The following CSMD1 variants were observed in gnomAD, a reference collection of about 807,000 sequenced individuals.
CSMD1 encodes CUB and Sushi multiple domains 1, also known as CUB and sushi domain-containing protein 1.
In CSMD1, 213 loss-of-function variants were observed where a neutral mutation model predicts 417.5. That is an observed-to-expected ratio of 0.51 (90% confidence interval 0.46 to 0.57). The LOEUF (loss-of-function observed/expected upper bound fraction) is 0.57, where lower values mean the gene tolerates loss of function less well. CSMD1 is among the 20% of genes least tolerant of loss of function. CSMD1 has a pLI of 0.00. For missense variants in CSMD1, 6,923 were observed against 4,529.7 expected, an observed-to-expected ratio of 1.53 and a Z score of -15.17; for synonymous variants, 2,862 against 1,736.8, an observed-to-expected ratio of 1.65 and a Z score of -16.11.
At chr8:3,379,048 G>A (rs774836947) in intron 18 of CSMD1, among the ~76,000 whole-genome samples, 33 of 152,208 alleles carry the variant, frequency 2.2e-4, no homozygotes, top group Non-Finnish European at 3.7e-4. Flanking sequence ...CTTCAGCAAT[G>A]TCTCAGGATA....
intron 3 of CSMD1, among the ~76,000 whole-genome samples, chr8:4,383,569 C>A (rs1391641192): frequency 6.6e-6 from 1 of 152,122 alleles, no homozygotes; most frequent in Non-Finnish European, 1.5e-5. Context: ...AACCTCAAAT[C>A]TGATTACAGG....
chr8:3,054,242 C>T (rs1335004967), intron 49 of CSMD1, among the ~76,000 whole-genome samples: 1 of 152,074 alleles, frequency 6.6e-6, no homozygotes, highest in African/African-American at 2.4e-5. Context: ...AAATGTATTC[C>T]CCAATAAAAT....
chr8:2,981,566 C>G (rs1805427155), intron 54 of CSMD1, among the ~76,000 whole-genome samples: 1 of 152,166 alleles, frequency 6.6e-6, no homozygotes, highest in Non-Finnish European at 1.5e-5. Flanking sequence ...GTGTGAAAAC[C>G]TGACATGGAA....
chr8:4,249,156 A>G (rs1802893724), intron 3 of CSMD1, among the ~76,000 whole-genome samples: 1 of 152,206 alleles, frequency 6.6e-6, no homozygotes, highest in Admixed American at 6.5e-5. Flanking sequence ...ATCTTAACAT[A>G]TATTAAGAGA....
intron 3 of CSMD1, among the ~76,000 whole-genome samples, chr8:4,056,997 C>T (rs745815215): frequency 4.6e-5 from 7 of 152,138 alleles, no homozygotes; most frequent in East Asian, 3.9e-4. Flanking sequence ...AATAAACATA[C>T]GTGTGCATGT....
chr8:3,276,141 T>C (rs1802271994), intron 26 of CSMD1, among the ~76,000 whole-genome samples: 1 of 152,196 alleles, frequency 6.6e-6, no homozygotes, highest in Non-Finnish European at 1.5e-5. Flanking sequence ...TAGTTTTCCT[T>C]CTAACAGTCA....
intron 1 of CSMD1, among the ~76,000 whole-genome samples, chr8:4,925,448 T>A (rs1806791738): frequency 6.6e-6 from 1 of 152,042 alleles, no homozygotes; most frequent in Non-Finnish European, 1.5e-5. Context: ...TGTTAATCAT[T>A]TCAAAATCAA....
At chr8:4,400,396 G>C (rs976513632) in intron 3 of CSMD1, among the ~76,000 whole-genome samples, 27 of 152,346 alleles carry the variant, frequency 1.8e-4, no homozygotes, top group Middle Eastern at 3.4e-3. Context: ...TCCTGTGTTT[G>C]CCGTTCCAGG....
chr8:4,850,249 A>C (rs1477558722), intron 1 of CSMD1, among the ~76,000 whole-genome samples: 2 of 152,116 alleles, frequency 1.3e-5, no homozygotes, highest in African/African-American at 4.8e-5. Flanking sequence ...AGTACTTTCT[A>C]TGTTCTAGAT....
At chr8:4,331,465 G>A (rs1799865263) in intron 3 of CSMD1, among the ~76,000 whole-genome samples, 1 of 152,104 alleles carries the variant, frequency 6.6e-6, no homozygotes, top group Non-Finnish European at 1.5e-5. Flanking sequence ...AGCCTTGCCA[G>A]CCTTCTTTTG....
chr8:4,174,765 A>ATGGGAGGGGGATGTGAG (rs1355597489), intron 3 of CSMD1, among the ~76,000 whole-genome samples: 1 of 31,084 alleles, frequency 3.2e-5, no homozygotes, highest in Non-Finnish European at 6.1e-5. Flanking sequence ...TGTGAGGGGG[A>ATGGGAGGGGGATGTGAG]GGGGAGGGAG....
chr8:3,788,231 G>C (rs750834679), intron 5 of CSMD1, among the ~76,000 whole-genome samples: 27 of 152,314 alleles, frequency 1.8e-4, no homozygotes, highest in Non-Finnish European at 3.2e-4. Context: ...AACAGGCATA[G>C]ACCTGCATTT....
chr8:4,257,595 G>C (rs771563258), intron 3 of CSMD1, among the ~76,000 whole-genome samples: 1 of 152,098 alleles, frequency 6.6e-6, no homozygotes, highest in Non-Finnish European at 1.5e-5. Flanking sequence ...CTCCCTGCGG[G>C]ATAGGAAAAT....
intron 3 of CSMD1, among the ~76,000 whole-genome samples, chr8:4,112,776 C>T (rs565604973): frequency 6.6e-5 from 10 of 152,246 alleles, no homozygotes; most frequent in Non-Finnish European, 1.3e-4. Context: ...GCTTATGGCT[C>T]CAAACGTTAG....
intron 5 of CSMD1, among the ~76,000 whole-genome samples, chr8:3,829,384 A>C (rs1802240611): frequency 1.3e-5 from 2 of 152,152 alleles, no homozygotes; most frequent in Admixed American, 1.3e-4. Flanking sequence ...CCTTCAGAGA[A>C]GTTTCAGGTT....
At chr8:3,455,839 G>A (rs191529049) in intron 12 of CSMD1, among the ~76,000 whole-genome samples, 4 of 152,336 alleles carry the variant, frequency 2.6e-5, no homozygotes, top group Admixed American at 2.6e-4. Context: ...CTTCAAAGAT[G>A]TCAGACAGGG....
intron 46 of CSMD1, among the ~76,000 whole-genome samples, chr8:3,103,526 G>A (rs962706939): frequency 1.3e-5 from 2 of 151,998 alleles, no homozygotes; most frequent in African/African-American, 4.8e-5. Context: ...AAGGTAATGC[G>A]TGGCCCCGTA....
intron 3 of CSMD1, among the ~76,000 whole-genome samples, chr8:4,076,807 G>T (rs761942866): frequency 3.3e-5 from 5 of 152,022 alleles, no homozygotes; most frequent in Admixed American, 6.5e-5. Context: ...ACACCATCAC[G>T]CAAGGCCAGC....
chr8:4,900,187 G>C (rs900457493), intron 1 of CSMD1, among the ~76,000 whole-genome samples: 2 of 152,082 alleles, frequency 1.3e-5, no homozygotes, highest in African/African-American at 4.8e-5. Context: ...GTCCCAAAGT[G>C]ACAGGGGTAT....
Sources: gnomAD v4.1 joint callset for allele counts (sites outside exome capture counted in the v4.1 genomes callset) on GRCh38, gnomAD v4.1.1 for gene constraint, MANE v1.5 for transcripts, NCBI Gene and HGNC (gene_info 2026-07-23, HGNC 2026-07-21) for gene names.